MINDY2: variants seen among roughly 807,000 people sequenced by gnomAD.
MINDY2 encodes MINDY lysine 48 deubiquitinase 2, also known as ubiquitin carboxyl-terminal hydrolase MINDY-2.
Under a neutral mutation model 68.2 loss-of-function variants are expected in MINDY2, and 52 were observed. That is an observed-to-expected ratio of 0.76 (90% CI 0.61 to 0.96). The LOEUF is 0.96. MINDY2 is among the 40% of genes least tolerant of loss of function. The pLI, the probability that MINDY2 is intolerant of heterozygous loss-of-function variation, is 0.00. For synonymous variants in MINDY2, 372 were observed against 303.0 expected, an observed-to-expected ratio of 1.23 and a Z score of -2.36; for missense variants, 881 against 773.4, an observed-to-expected ratio of 1.14 and a Z score of -1.65.
chr15:58,831,958 A>T (rs751818302), intron 6 of MINDY2, 42 bp downstream of exon 6: 1 of 1,562,780 alleles, frequency 6.4e-7, no homozygotes, highest in African/African-American at 1.4e-5. Flanking sequence ...TTCTAAATCA[A>T]AGGAGCTTGA....
chr15:58,807,660 G>C (rs1454446560), intron 3 of MINDY2, among the ~76,000 whole-genome samples: 3 of 152,112 alleles, frequency 2.0e-5, no homozygotes, highest in African/African-American at 7.2e-5. Context: ...ATTGCGCCCG[G>C]CCTAAAATAG....
At chr15:58,822,363 A>G (rs192213692) in intron 5 of MINDY2, among the ~76,000 whole-genome samples, 1 of 152,122 alleles carries the variant, frequency 6.6e-6, no homozygotes, top group East Asian at 1.9e-4. Context: ...TCTATTAAAA[A>G]TTTTTGGAAT....
intron 5 of MINDY2, among the ~76,000 whole-genome samples, chr15:58,823,714 C>T (rs1367755894): frequency 2.0e-5 from 3 of 151,772 alleles, no homozygotes; most frequent in African/African-American, 7.3e-5. Context: ...AGTCGTTGAT[C>T]ATTGATTCAT....
chr15:58,793,346 G>A (rs1902063497), intron 2 of MINDY2, among the ~76,000 whole-genome samples: 1 of 152,114 alleles, frequency 6.6e-6, no homozygotes. Context: ...CAGCTACTTG[G>A]GAAACTGAGG....
chr15:58,788,185 T>G (rs1237080135), intron 2 of MINDY2, among the ~76,000 whole-genome samples: 1 of 152,216 alleles, frequency 6.6e-6, no homozygotes, highest in African/African-American at 2.4e-5. Context: ...ATAAGGAATC[T>G]AGGTAACGTC....
rs1016286329 is a variant in MINDY2, at chr15:58,858,979, G to A, written c.*4369G>A. 2.7e-4 allele frequency: 41 copies of A among 152,196 alleles called. No homozygotes were observed. Among genetic ancestry groups the A allele is most frequent in the African/African-American group, 9.6e-4 (40 of 41,556 alleles). The allele number at this position is 152,196 out of a possible 1,614,324, so 9.4% of individuals were successfully genotyped here. On this transcript the variant is annotated 3_prime_UTR_variant, in exon 9 of 9. Transcript: ENST00000559228. ...TAAGTGTTTTGCACTCCTGAATAAA[G>A]GGCATAGTATAAGCACAAAGTATGA...
chr15:58,806,335 G>A (rs957150904), intron 3 of MINDY2, among the ~76,000 whole-genome samples: 57 of 151,562 alleles, frequency 3.8e-4, no homozygotes, highest in Admixed American at 2.9e-3. Context: ...GGCATTACAG[G>A]CGTGAGTCAA....
intron 4 of MINDY2, among the ~76,000 whole-genome samples, chr15:58,814,146 A>C (rs2030510212): frequency 6.6e-6 from 1 of 151,840 alleles, no homozygotes; most frequent in Admixed American, 6.6e-5. Flanking sequence ...CACCATGTTA[A>C]TCAGACTGGT....
chr15:58,783,605 A>G (rs1274792768), intron 1 of MINDY2, among the ~76,000 whole-genome samples: 1 of 152,146 alleles, frequency 6.6e-6, no homozygotes, highest in Non-Finnish European at 1.5e-5. Context: ...GCTTGAGTCT[A>G]TTCCCAAATT....
chr15:58,854,643 G>A lies in MINDY2; in HGVS notation c.*33G>A, dbSNP rs775665148. 3.2e-6 allele frequency: 5 copies of A among 1,579,596 alleles called. No homozygotes were observed. The highest frequency in any genetic ancestry group is 4.3e-6 in the Non-Finnish European group (5 of 1,170,612). On this transcript the variant is annotated 3_prime_UTR_variant, in exon 9 of 9. Coordinates refer to ENST00000559228, the MANE Select transcript of MINDY2 (RefSeq NM_001040450.3). ...TGGCTTCTGTTGGAACCACCTATATGTCTTGAGAAACAAAACCACAGGAGG... is the reference window on the plus strand; with the variant it reads ...TGGCTTCTGTTGGAACCACCTATATATCTTGAGAAACAAAACCACAGGAGG...
chr15:58,844,417 T>G (rs1325065101), intron 6 of MINDY2, among the ~76,000 whole-genome samples: 3 of 151,796 alleles, frequency 2.0e-5, no homozygotes, highest in African/African-American at 7.3e-5. Context: ...CCGGGCATGG[T>G]GGCGGGCGCC....
At chr15:58,781,445 C>T (rs1401898824) in intron 1 of MINDY2, among the ~76,000 whole-genome samples, 1 of 152,156 alleles carries the variant, frequency 6.6e-6, no homozygotes, top group Admixed American at 6.6e-5. Flanking sequence ...GACATTCTTG[C>T]AAATTTAATA....
rs557342297 is a variant in MINDY2, at chr15:58,771,610, C to T, written c.215C>T (p.Ser72Phe). The T allele has an allele frequency of 5.0e-6, 8 of 1,611,958 alleles. No homozygotes were observed. The highest frequency in any genetic ancestry group is 6.8e-6 in the Non-Finnish European group (8 of 1,179,820). The change falls in exon 1 of 9, where the codon TCT (serine) becomes TTT (phenylalanine). Residue 72 changes from serine (S) to phenylalanine (F), a missense_variant. Coordinates refer to ENST00000559228, the MANE Select transcript of MINDY2 (RefSeq NM_001040450.3). The stretch of plus-strand genomic sequence containing the variant: ...CCGGACTCGGCTTCTCCCGCGGGCT[C>T]TCCTGAGGTTCCCGGACCCTGCAGC... Reference protein sequence around the residue: ...SLPDSASPAGSPEVPGPCSSS... With the variant: ...SLPDSASPAGFPEVPGPCSSS...
chr15:58,798,754 C>T lies in MINDY2; in HGVS notation c.899-3559C>T, dbSNP rs569597130. ...TACAGACGTCAGCCACCACGCCCAG[C>T]AATCCAGTAAATATTCACTGAGCAT... On this transcript the variant is annotated intron_variant, in intron 2 of 8. Coordinates refer to ENST00000559228, the MANE Select transcript of MINDY2 (RefSeq NM_001040450.3). 5.9e-5 allele frequency among the ~76,000 whole-genome samples: 9 copies of T among 152,310 alleles called. 1 individual carries two copies. The South Asian group carries it at 1.7e-3, about 28-fold the overall frequency.
At chr15:58,783,744 C>G (rs1351768654) in intron 1 of MINDY2, among the ~76,000 whole-genome samples, 1 of 151,940 alleles carries the variant, frequency 6.6e-6, no homozygotes, top group African/African-American at 2.4e-5. Flanking sequence ...TGCTTGAGTC[C>G]AGGAGTTTGT....
At chr15:58,782,980 C>T (rs535075598) in intron 1 of MINDY2, among the ~76,000 whole-genome samples, 19 of 115,154 alleles carry the variant, frequency 1.6e-4, no homozygotes, top group Admixed American at 4.0e-4. Flanking sequence ...AGTGCAGTGG[C>T]GTGATCTTTA....
At chr15:58,814,536 A>G (rs1395042405) in intron 4 of MINDY2, among the ~76,000 whole-genome samples, 1 of 151,534 alleles carries the variant, frequency 6.6e-6, no homozygotes, top group Non-Finnish European at 1.5e-5. Context: ...ATGCCACCAT[A>G]CCCTGCTCAC....
intron 8 of MINDY2, among the ~76,000 whole-genome samples, chr15:58,852,882 C>A (rs1422516127): frequency 7.4e-6 from 1 of 135,356 alleles, no homozygotes; most frequent in African/African-American, 2.8e-5. Flanking sequence ...TAAAAATATT[C>A]CCCTTTTTTA....
At chr15:58,795,178 A>AAAATAAATAAAT (rs57658375) in intron 2 of MINDY2, among the ~76,000 whole-genome samples, 3 of 150,010 alleles carry the variant, frequency 2.0e-5, no homozygotes, top group East Asian at 2.1e-4. Flanking sequence ...TCGTCTCCAA[A>AAAATAAATAAAT]AAATAAATAA....
Sources: gnomAD v4.1 joint callset for allele counts (sites outside exome capture counted in the v4.1 genomes callset) on GRCh38, gnomAD v4.1.1 for gene constraint, MANE v1.5 for transcripts, NCBI Gene and HGNC (gene_info 2026-07-23, HGNC 2026-07-21) for gene names.